EPN2: variants seen among roughly 807,000 people sequenced by gnomAD.
EPN2 encodes the protein epsin-2.
In EPN2, 34 loss-of-function variants were observed where a neutral mutation model predicts 61.7. The ratio of observed to expected loss-of-function variants is 0.55; its 90% CI spans 0.42 to 0.73. EPN2 has a LOEUF of 0.73. Among genes scored for constraint, EPN2 ranks in the 30% least tolerant of loss-of-function variants. The pLI is 0.00. For synonymous variants in EPN2, 349 were observed against 353.6 expected (o/e 0.99, Z 0.15); for missense variants, 714 against 839.2 (o/e 0.85, Z 1.84).
intron 4 of EPN2, among the ~76,000 whole-genome samples, chr17:19,294,807 A>G (rs1399563387): frequency 6.6e-6 from 1 of 152,136 alleles, no homozygotes; most frequent in Admixed American, 6.5e-5. Flanking sequence ...CTGCGGTGGC[A>G]CTGACAGCAT....
chr17:19,255,415 T>A (rs1194762403), intron 1 of EPN2, among the ~76,000 whole-genome samples: 2 of 150,970 alleles, frequency 1.3e-5, no homozygotes. Flanking sequence ...TATTTCCTTA[T>A]TGCTTGAGTT....
At chr17:19,256,750 G>A (rs765104061) in intron 1 of EPN2, among the ~76,000 whole-genome samples, 2 of 152,154 alleles carry the variant, frequency 1.3e-5, no homozygotes, top group African/African-American at 4.8e-5. Flanking sequence ...AAGTCCATGG[G>A]CCTGTCTAAT....
In EPN2 at chr17:19,293,140, A is replaced by T. The variant is rs184341892; in HGVS notation, c.766+7350A>T. On this transcript the variant is annotated intron_variant, in intron 4 of 10. Coordinates refer to ENST00000314728, the MANE Select transcript of EPN2 (RefSeq NM_014964.5). ...ACGCCTGTAATCCCAGCATGTTGGG[A>T]GGTTGAGACGGGCAGATCACCTGAG... 2.9e-4 allele frequency among the ~76,000 whole-genome samples: 44 copies of T among 151,954 alleles called. No individual in the cohort carries two copies. In the East Asian group the frequency reaches 8.3e-3, roughly 29 times the overall value.
chr17:19,331,127 T>C (rs550182300), intron 9 of EPN2, among the ~76,000 whole-genome samples: 123 of 152,374 alleles, frequency 8.1e-4, no homozygotes, highest in African/African-American at 2.9e-3. Context: ...TTAAAACTTG[T>C]TAAAAAATAC....
chr17:19,311,526 T>G (rs1330670312), intron 5 of EPN2, among the ~76,000 whole-genome samples: 1 of 151,976 alleles, frequency 6.6e-6, no homozygotes, highest in East Asian at 1.9e-4. Context: ...TATAAAAGCT[T>G]AGGACAACCC....
chr17:19,319,063 TG>T (rs1906523026), intron 7 of EPN2, among the ~76,000 whole-genome samples: 1 of 151,496 alleles, frequency 6.6e-6, no homozygotes, highest in African/African-American at 2.4e-5. Context: ...CCAGGTGTGG[TG>T]GTGTGTGCCT....
intron 1 of EPN2, among the ~76,000 whole-genome samples, chr17:19,244,023 G>A (rs1371331576): frequency 6.6e-6 from 1 of 152,182 alleles, no homozygotes; most frequent in African/African-American, 2.4e-5. Flanking sequence ...TGAAGATGAT[G>A]GATGGCGTGA....
intron 1 of EPN2, among the ~76,000 whole-genome samples, chr17:19,247,092 C>G (rs2044961500): frequency 6.6e-6 from 1 of 152,130 alleles, no homozygotes; most frequent in Non-Finnish European, 1.5e-5. Flanking sequence ...TTTTGATACT[C>G]AGAGCTGTCC....
intron 1 of EPN2, among the ~76,000 whole-genome samples, chr17:19,264,135 A>G (rs1283349541): frequency 6.6e-6 from 1 of 152,218 alleles, no homozygotes; most frequent in African/African-American, 2.4e-5. Context: ...ACATTGTTTG[A>G]ACAAAAAGCA....
At position 19,283,802 on chromosome 17, in the gene EPN2, T is replaced by A; in HGVS notation, c.595+88T>A. On this transcript the variant is annotated intron_variant, in intron 3 of 10. Coordinates refer to ENST00000314728, the MANE Select transcript of EPN2 (RefSeq NM_014964.5). This position sits in a 1 kb window ranked among gnomAD's most constrained non-coding sequence, Gnocchi z 7.0. ...GGGTGTCTCTGGGCTTAGGGAGTGG[T>A]GGCCACTGCAGAGCTCGAACCTGTC... 1.0e-6 allele frequency: 1 copy of A among 996,278 alleles called. No homozygotes were observed. The highest frequency in any genetic ancestry group is 1.4e-6 in the Non-Finnish European group (1 of 695,370). 61.7% of individuals were successfully genotyped at this position (996,278 alleles called of 1,614,324 possible). A position where few individuals can be genotyped will look rare whatever the true frequency, so the allele number is the denominator to read the frequency against.
chr17:19,302,401 T>C (rs1329333224), intron 4 of EPN2, among the ~76,000 whole-genome samples: 1 of 152,222 alleles, frequency 6.6e-6, no homozygotes, highest in Non-Finnish European at 1.5e-5. Flanking sequence ...TTATAGCCGC[T>C]CCCCATCACT....
At chr17:19,308,559 T>C in intron 4 of EPN2, 1 of 984,900 alleles carries the variant, frequency 1.0e-6, no homozygotes, top group Non-Finnish European at 1.2e-6. Context: ...AGCATCAGGA[T>C]GGAGGGGAAG....
chr17:19,306,445 C>T (rs1245668283), intron 4 of EPN2, among the ~76,000 whole-genome samples: 1 of 152,202 alleles, frequency 6.6e-6, no homozygotes, highest in South Asian at 2.1e-4. Flanking sequence ...GCTGTACATC[C>T]GTTTATGAAA....
Position 19,335,605 on chromosome 17 carries a change from A to C in EPN2, c.*1351A>C. 6 of 686,216 alleles carry C rather than the reference A, an allele frequency of 8.7e-6. No homozygotes were observed. The highest frequency in any genetic ancestry group is 3.6e-5 in the African/African-American group (2 of 55,206). 42.5% of individuals were successfully genotyped at this position (686,216 alleles called of 1,614,324 possible). A position where few individuals can be genotyped will look rare whatever the true frequency, so the allele number is the denominator to read the frequency against. On this transcript the variant is annotated 3_prime_UTR_variant, in exon 11 of 11. Transcript: ENST00000314728. ...CACGGGTCCCTGGGCAACAGTCCCT[A>C]GGCTAAGACAGGGGTGGGGGGCTAA...
At chr17:19,327,346 ATG>A (rs1465966879) in intron 7 of EPN2, among the ~76,000 whole-genome samples, 1 of 152,196 alleles carries the variant, frequency 6.6e-6, no homozygotes, top group Non-Finnish European at 1.5e-5. Flanking sequence ...CCACAAAGGA[ATG>A]TGTACAGAAT....
chr17:19,328,628 C>T, intron 7 of EPN2, 83 bp from the exon 8 acceptor site: 2 of 1,306,198 alleles, frequency 1.5e-6, no homozygotes, highest in Non-Finnish European at 2.1e-6. Context: ...CCTGGTGTGG[C>T]TGGCAGTATC....
In EPN2 at chr17:19,334,453, G is replaced by A. The variant is rs1907309011; in HGVS notation, c.*199G>A. On this transcript the variant is annotated 3_prime_UTR_variant, in exon 11 of 11. Coordinates refer to ENST00000314728, the MANE Select transcript of EPN2 (RefSeq NM_014964.5). The surrounding 1 kb of genome is among the most constrained non-coding windows in gnomAD (Gnocchi z 4.9). ...CAAGGCAGGCCCCTCAGCCTGGCCT[G>A]CTCTCACCACCTCCTCCAAAGCACT... 2 of 420,500 alleles carry A rather than the reference G, an allele frequency of 4.8e-6. No homozygotes were observed. Among genetic ancestry groups the A allele is most frequent in the Non-Finnish European group, 8.3e-6 (2 of 241,976 alleles). The allele number at this position is 420,500 out of a possible 1,614,324, so 26.0% of individuals were successfully genotyped here.
chr17:19,251,333 A>G (rs956877477), intron 1 of EPN2, among the ~76,000 whole-genome samples: 1 of 152,088 alleles, frequency 6.6e-6, no homozygotes, highest in Non-Finnish European at 1.5e-5. Context: ...TGCTTCCTTC[A>G]GCTCCCAAGC....
intron 4 of EPN2, among the ~76,000 whole-genome samples, chr17:19,303,183 C>T (rs537566336): frequency 2.0e-5 from 3 of 152,328 alleles, no homozygotes; most frequent in Admixed American, 6.5e-5. Context: ...CCTCACATTA[C>T]TCCCCTAAAT....
Sources: gnomAD v4.1 joint callset for allele counts (sites outside exome capture counted in the v4.1 genomes callset) on GRCh38, gnomAD v4.1.1 for gene constraint, Gnocchi (gnomAD v3.1) non-coding constraint, MANE v1.5 for transcripts, NCBI Gene and HGNC (gene_info 2026-07-23, HGNC 2026-07-21) for gene names.